The following HAP1 variants were observed in gnomAD, a reference collection of about 807,000 sequenced individuals.
HAP1 encodes huntingtin associated protein 1.
A neutral mutation model predicts 60.3 loss-of-function variants in HAP1; 59 were observed. The ratio of observed to expected loss-of-function variants is 0.98; its 90% CI spans 0.79 to 1.22. The LOEUF (loss-of-function observed/expected upper bound fraction) is 1.22. HAP1 is among the 50% of genes most tolerant of loss of function. The pLI is 0.00. For synonymous variants in HAP1, 346 were observed against 330.6 expected (o/e 1.05, Z -0.50); for missense variants, 825 against 785.3 (o/e 1.05, Z -0.60).
At chr17:41,727,378 G>A in intron 8 of HAP1, 1 of 780,548 alleles carries the variant, frequency 1.3e-6, no homozygotes. Flanking sequence ...ACCTCCTCCT[G>A]CATCTCAATC....
rs782231666 is a variant in HAP1 at position 41,727,072 on chromosome 17, G to T, written c.1348C>A (p.Pro450Thr). 1 of 1,566,934 alleles carries T rather than the reference G, an allele frequency of 6.4e-7. No homozygotes were observed. The highest frequency in any genetic ancestry group is 1.1e-5 in the South Asian group (1 of 87,662). Residue 450 changes from proline (P) to threonine (T), a missense_variant, in exon 9 of 11, where the codon CCT becomes ACT. By Grantham distance (38) the Pro-to-Thr change is conservative. Transcript: ENST00000347901. Reference sequence around the variant, plus strand: ...ACGCACCTCTCCATAAAATACACAGGGTCTGAGATCATCCTCCTTAGAGAC... The same window carrying T: ...ACGCACCTCTCCATAAAATACACAGTGTCTGAGATCATCCTCCTTAGAGAC... ...RTSLRRMISDPVYFMERNYEM... is the reference protein window; with the variant it reads ...RTSLRRMISDTVYFMERNYEM...
intron 6 of HAP1, among the ~76,000 whole-genome samples, chr17:41,729,334 G>A (rs1555589887): frequency 1.3e-5 from 2 of 149,552 alleles, no homozygotes; most frequent in Admixed American, 6.6e-5. Context: ...TGGATCGCTT[G>A]AGGTCAGGAT....
Position 41,731,713 on chromosome 17 carries a change from G to A in HAP1, c.927C>T (p.His309=). ...LISQEALLHQ[H]HCPQLEALQE... is the part of the protein sequence containing the mutation. The stretch of plus-strand genomic sequence containing the variant: ...GCAAGGCTTCCAGCTGTGGGCAGTG[G>A]TGCTGGTGCAGCAATGCCTCCTGCG... Residue 309 remains histidine, a synonymous_variant, in exon 5 of 11, where the codon CAC becomes CAT. Coordinates refer to ENST00000347901, the MANE Select transcript of HAP1 (RefSeq NM_177977.3). 1 of 1,613,758 alleles carries A rather than the reference G, an allele frequency of 6.2e-7. No homozygotes were observed. Among genetic ancestry groups the A allele is most frequent in the Non-Finnish European group, 8.5e-7 (1 of 1,179,676 alleles).
chr17:41,727,889 C>A (rs936835936), intron 7 of HAP1, 53 bp from the exon 8 acceptor site: 10 of 1,102,484 alleles, frequency 9.1e-6, no homozygotes, highest in African/African-American at 1.5e-5. Flanking sequence ...CCACTCAGGG[C>A]ACCCCCTGCT....
chr17:41,717,869 TG>T, downstream of HAP1: 1 of 400,048 alleles, frequency 2.5e-6, no homozygotes, highest in African/African-American at 2.0e-5. Flanking sequence ...TGTAAATAAT[TG>T]CTCATGAGTG....
In HAP1 at chr17:41,734,548, G is replaced by A. The variant is rs1555592267; in HGVS notation, c.87C>T (p.Pro29=). ...AGGGCTCCGGAGCGGGACTGGCTGAGGGCGAAGGTGCACAGGTGAGTGCTG... is the reference window on the plus strand; with the variant it reads ...AGGGCTCCGGAGCGGGACTGGCTGAAGGCGAAGGTGCACAGGTGAGTGCTG... ...DPAALTCAPS[P]SASPAPEPSA... is the part of the protein sequence containing the mutation. The change falls in exon 1 of 11, where the codon CCC becomes CCT. Residue 29 remains proline (P), a synonymous_variant. Coordinates refer to ENST00000347901, the MANE Select transcript of HAP1 (RefSeq NM_177977.3). 6.2e-7 allele frequency: 1 copy of A among 1,609,452 alleles called. No individual in the cohort carries two copies. Among genetic ancestry groups the A allele is most frequent in the Non-Finnish European group, 8.5e-7 (1 of 1,179,178 alleles).
chr17:41,725,837 G>A, intron 10 of HAP1, 22 bp downstream of exon 10: 1 of 1,602,956 alleles, frequency 6.2e-7, no homozygotes, highest in East Asian at 2.2e-5. Flanking sequence ...GCAGGTTGTA[G>A]GGGAGCCCCT....
Position 41,734,313 on chromosome 17 carries a change from C to T in HAP1, c.322G>A (p.Val108Ile). Reference sequence around the variant, plus strand: ...CGGGAACCAAACGGCCCTTGGAATACGAAGCGGGTCCACGGCGCGTCCGAA... The same window carrying T: ...CGGGAACCAAACGGCCCTTGGAATATGAAGCGGGTCCACGGCGCGTCCGAA... ...DNSDAPWTRF[V>I]FQGPFGSRAT... Residue 108 changes from valine to isoleucine, a missense_variant, in exon 1 of 11, where the codon GTA (valine) becomes ATA (isoleucine). Coordinates refer to ENST00000347901, the MANE Select transcript of HAP1 (RefSeq NM_177977.3). 1.2e-6 allele frequency: 2 copies of T among 1,608,982 alleles called. No individual in the cohort carries two copies. The highest frequency in any genetic ancestry group is 1.7e-4 in the Middle Eastern group (1 of 6,054).
Position 41,724,346 on chromosome 17 carries a change from G to GC in HAP1, c.*354dup, listed in dbSNP as rs1427638291. ...GGGCTGCTCCACCATCCCACCCACC[G>GC]CCCCCCGTGTTTGTTTTGACTGCTG... On this transcript the variant is annotated 3_prime_UTR_variant, in exon 11 of 11. Coordinates refer to ENST00000347901, the MANE Select transcript of HAP1 (RefSeq NM_177977.3). The GC allele has an allele frequency of 1.3e-5, 2 of 156,636 alleles. No homozygotes were observed. 9.7% of individuals were successfully genotyped at this position (156,636 alleles called of 1,614,324 possible). A position where few individuals can be genotyped will look rare whatever the true frequency, so the allele number is the denominator to read the frequency against.
chr17:41,725,273 G>C, intron 10 of HAP1, 119 bp from the exon 11 acceptor site: 1 of 838,620 alleles, frequency 1.2e-6, no homozygotes, highest in Non-Finnish European at 1.8e-6. Flanking sequence ...AGCCAGGGGA[G>C]AGGGGAGCTA....
At chr17:41,732,526 G>A in intron 2 of HAP1, 132 bp from the exon 3 acceptor site, 1 of 1,045,300 alleles carries the variant, frequency 9.6e-7, no homozygotes, top group Non-Finnish European at 1.4e-6. Context: ...TCCCCTCATG[G>A]AAAAAGAAGA....
downstream of HAP1, among the ~76,000 whole-genome samples, chr17:41,720,447 G>A (rs539952537): frequency 8.5e-5 from 13 of 152,066 alleles, no homozygotes; most frequent in Middle Eastern, 3.4e-3. Flanking sequence ...CACCCACCTC[G>A]GCCTCCCAAA....
chr17:41,732,172 G>A, intron 3 of HAP1, 54 bp from the exon 4 acceptor site: 1 of 1,608,150 alleles, frequency 6.2e-7, no homozygotes, highest in South Asian at 1.1e-5. Flanking sequence ...ACAGGAGAGG[G>A]TCCTGGCATG....
In HAP1 at chr17:41,734,406, T is replaced by TGGCTCCAGCCTC. The variant is rs1555592065; in HGVS notation, c.217_228dup (p.Glu73_Ala76dup). 6.2e-7 allele frequency: 1 copy of TGGCTCCAGCCTC among 1,607,190 alleles called. No homozygotes were observed. Among genetic ancestry groups the TGGCTCCAGCCTC allele is most frequent in the South Asian group, 1.1e-5 (1 of 90,958 alleles). On this transcript the variant is annotated inframe_insertion, in exon 1 of 11. Coordinates refer to ENST00000347901, the MANE Select transcript of HAP1 (RefSeq NM_177977.3). Reference sequence around the variant, plus strand: ...GCGGACGGGCGCCGGGCTCCTGCCTTGGCTCCAGCCTCCGAGGCCGGGCGA... The same window carrying TGGCTCCAGCCTC: ...GCGGACGGGCGCCGGGCTCCTGCCTTGGCTCCAGCCTCGGCTCCAGCCTCCGAGGCCGGGCGA...
intron 6 of HAP1, among the ~76,000 whole-genome samples, chr17:41,729,618 G>A (rs28782937): frequency 0.054 from 7,720 of 142,114 alleles, 727 homozygotes; most frequent in African/African-American, 0.2. Flanking sequence ...GCTCACACCT[G>A]TAATCCTAGC....
chr17:41,724,581 C>CATAAATGGTTCACTGA lies in HAP1; in HGVS notation c.*119_*120insTCAGTGAACCATTTAT, dbSNP rs575840047. The CATAAATGGTTCACTGA allele has an allele frequency of 1.8e-3, 1,306 of 724,354 alleles. 14 individuals carry two copies. In the African/African-American group the frequency reaches 0.021, roughly 12 times the overall value. 44.9% of individuals were successfully genotyped at this position (724,354 alleles called of 1,614,324 possible). ...TAAATGAGCACTGACACTACGGTTC[C>CATAAATGGTTCACTGA]CACTGAAGGGGATCAGAGGTGTCTA... is the stretch of plus-strand genomic sequence containing the variant. On this transcript the variant is annotated 3_prime_UTR_variant, in exon 11 of 11. Transcript: ENST00000347901.
In HAP1 at chr17:41,730,099, A is replaced by AGAG. The variant is rs1567783630; in HGVS notation, c.1069+1393_1069+1394insCTC. The AGAG allele has an allele frequency of 3.4e-4, 7 of 20,582 alleles. 3 individuals carry two copies. The highest frequency in any genetic ancestry group is 3.0e-3 in the African/African-American group (7 of 2,306). The allele number at this position is 20,582 out of a possible 1,614,324, so 1.3% of individuals were successfully genotyped here. A position where few individuals can be genotyped will look rare whatever the true frequency, so the allele number is the denominator to read the frequency against. On this transcript the variant is annotated intron_variant, in intron 6 of 10. Coordinates refer to ENST00000347901, the MANE Select transcript of HAP1 (RefSeq NM_177977.3). ...GAAAGAAAAGAAAAGAAAAGAAAAGAAAAGAAAAGAAAAGAAAGAAAGAAA... is the reference window on the plus strand; with the variant it reads ...GAAAGAAAAGAAAAGAAAAGAAAAGAGAGAAAGAAAAGAAAAGAAAGAAAGAAA...
Position 41,724,819 on chromosome 17 carries a change from T to C in HAP1, c.1742A>G (p.Asn581Ser), listed in dbSNP as rs1555588250. 2.5e-6 allele frequency: 4 copies of C among 1,613,266 alleles called. No homozygotes were observed. Among genetic ancestry groups the C allele is most frequent in the Admixed American group, 1.7e-5 (1 of 60,012 alleles). Reference sequence around the variant, plus strand: ...CCGCCTGTAATGGGCATCTTGCCAGTTGGCCAGCTGCTGGAGGACATAATT... The same window carrying C: ...CCGCCTGTAATGGGCATCTTGCCAGCTGGCCAGCTGCTGGAGGACATAATT... ...DMNYVLQQLA[N>S]WQDAHYRRQL... Residue 581 changes from asparagine (N) to serine (S), a missense_variant, in exon 11 of 11, where the codon AAC becomes AGC. Asn to Ser is a conservative substitution (Grantham distance 46). Transcript: ENST00000347901.
chr17:41,732,196 T>C (rs782174848), intron 3 of HAP1, 34 bp downstream of exon 3: 7 of 1,611,496 alleles, frequency 4.3e-6, no homozygotes, highest in African/African-American at 4.0e-5. Flanking sequence ...CAGGTGTAGA[T>C]TGGCCCGCTA....
Sources: gnomAD v4.1 joint callset for allele counts (sites outside exome capture counted in the v4.1 genomes callset) on GRCh38, gnomAD v4.1.1 for gene constraint, MANE v1.5 for transcripts, NCBI Gene and HGNC (gene_info 2026-07-23, HGNC 2026-07-21) for gene names.